Variants in RBMS3 observed in about 807,000 individuals in gnomAD.
RBMS3 encodes the protein RNA-binding motif, single-stranded-interacting protein 3.
Under a neutral mutation model 66.8 loss-of-function variants are expected in RBMS3, and 27 were observed. The observed-to-expected ratio is 0.40, with a 90% CI of 0.30 to 0.56. The LOEUF (loss-of-function observed/expected upper bound fraction) is 0.56. Ranked by LOEUF, RBMS3 falls within the 20% of genes least tolerant of loss-of-function variation. The probability of loss-of-function intolerance (pLI) is 0.40; values close to 1 mark genes in which losing one functional copy is unlikely to be tolerated. For synonymous variants in RBMS3, 188 were observed against 183.0 expected (o/e 1.03, Z -0.22); for missense variants, 513 against 549.5 (o/e 0.93, Z 0.66).
intron 1 of RBMS3, among the ~76,000 whole-genome samples, chr3:29,419,763 T>C (rs2040626003): frequency 1.3e-5 from 2 of 152,214 alleles, no homozygotes; most frequent in South Asian, 4.1e-4. Flanking sequence ...GGGAGAGCGA[T>C]GCATATGTAA....
At chr3:29,287,693 T>A (rs895071286) in intron 1 of RBMS3, among the ~76,000 whole-genome samples, 6 of 152,158 alleles carry the variant, frequency 3.9e-5, no homozygotes, top group Middle Eastern at 3.4e-3. Context: ...AAATAATATT[T>A]GTTAATAAAA....
chr3:29,927,094 TG>T (rs1250607556), intron 10 of RBMS3: 1 of 152,008 alleles, frequency 6.6e-6, no homozygotes, highest in Non-Finnish European at 1.5e-5. Flanking sequence ...CTTCCTTGGG[TG>T]GGGTGTGGCT....
At chr3:29,437,931 C>A (rs2041461166) in intron 2 of RBMS3, among the ~76,000 whole-genome samples, 1 of 152,088 alleles carries the variant, frequency 6.6e-6, no homozygotes, top group African/African-American at 2.4e-5. Flanking sequence ...TTGGCAGGGG[C>A]ACAGTCAGAA....
intron 3 of RBMS3, among the ~76,000 whole-genome samples, chr3:29,510,324 T>C (rs781309680): frequency 2.0e-5 from 3 of 152,206 alleles, no homozygotes; most frequent in Non-Finnish European, 4.4e-5. Context: ...CAACGCGCTA[T>C]ACTTATACCA....
chr3:29,532,922 A>C (rs1432114688), intron 3 of RBMS3, among the ~76,000 whole-genome samples: 1 of 152,142 alleles, frequency 6.6e-6, no homozygotes, highest in African/African-American at 2.4e-5. Flanking sequence ...GAATTAAGCC[A>C]CTGGATACCT....
At chr3:29,724,964 A>C (rs2053795272) in intron 4 of RBMS3, among the ~76,000 whole-genome samples, 1 of 152,180 alleles carries the variant, frequency 6.6e-6, no homozygotes, top group African/African-American at 2.4e-5. Context: ...AAGGGGTGAC[A>C]TACACTAGAA....
intron 1 of RBMS3, among the ~76,000 whole-genome samples, chr3:29,400,532 A>G (rs1401890650): frequency 6.6e-6 from 1 of 151,966 alleles, no homozygotes; most frequent in Non-Finnish European, 1.5e-5. Flanking sequence ...GATGTACTTA[A>G]TGCCACTGAA....
At chr3:29,525,977 T>A (rs1251135691) in intron 3 of RBMS3, among the ~76,000 whole-genome samples, 1 of 152,208 alleles carries the variant, frequency 6.6e-6, no homozygotes, top group Non-Finnish European at 1.5e-5. Context: ...AAGCATGTAG[T>A]GTCGCTGACT....
chr3:29,544,679 A>C (rs954203498), intron 3 of RBMS3, among the ~76,000 whole-genome samples: 6 of 144,224 alleles, frequency 4.2e-5, no homozygotes, highest in African/African-American at 1.6e-4. Context: ...GATAAGAAAA[A>C]AGAAGGGAGT....
chr3:29,596,959 A>G (rs1321759714), intron 4 of RBMS3, among the ~76,000 whole-genome samples: 1 of 152,188 alleles, frequency 6.6e-6, no homozygotes, highest in African/African-American at 2.4e-5. Context: ...ATCCTAATGA[A>G]TTATTCAGAA....
chr3:29,869,306 A>C (rs2059434047), intron 7 of RBMS3, among the ~76,000 whole-genome samples: 1 of 152,180 alleles, frequency 6.6e-6, no homozygotes, highest in South Asian at 2.1e-4. Flanking sequence ...AAATATTTTC[A>C]GTGAAATCAA....
chr3:29,779,912 T>C (rs2149407870), intron 6 of RBMS3, among the ~76,000 whole-genome samples: 1 of 151,030 alleles, frequency 6.6e-6, no homozygotes, highest in African/African-American at 2.4e-5. Flanking sequence ...CTGGTAGACA[T>C]AGAAATACAT....
At chr3:29,348,757 G>A (rs929530125) in intron 1 of RBMS3, among the ~76,000 whole-genome samples, 1 of 152,096 alleles carries the variant, frequency 6.6e-6, no homozygotes, top group African/African-American at 2.4e-5. Flanking sequence ...CAGAGACCAG[G>A]ATCCACTTTA....
chr3:29,809,352 G>A (rs1181806429), intron 6 of RBMS3, among the ~76,000 whole-genome samples: 3 of 141,222 alleles, frequency 2.1e-5, no homozygotes, highest in Non-Finnish European at 1.6e-5. Context: ...AAAAAAAAAA[G>A]ATCCTGTTAA....
At chr3:29,551,041 G>A (rs1281201342) in intron 3 of RBMS3, among the ~76,000 whole-genome samples, 2 of 152,192 alleles carry the variant, frequency 1.3e-5, no homozygotes, top group Non-Finnish European at 2.9e-5. Context: ...AGAGAGGTCT[G>A]GGAGTTCTAT....
At chr3:29,545,312 T>A (rs1342058891) in intron 3 of RBMS3, among the ~76,000 whole-genome samples, 1 of 152,118 alleles carries the variant, frequency 6.6e-6, no homozygotes, top group East Asian at 1.9e-4. Flanking sequence ...TAGAAATAAT[T>A]TCATTTTCTT....
chr3:29,869,029 G>A, intron 7 of RBMS3, 65 bp downstream of exon 7: 1 of 1,339,102 alleles, frequency 7.5e-7, no homozygotes, highest in South Asian at 1.4e-5. Flanking sequence ...AAGGTGGCAA[G>A]GCAGACGTAT....
intron 3 of RBMS3, among the ~76,000 whole-genome samples, chr3:29,581,110 A>AT (rs2149083903): frequency 6.6e-6 from 1 of 152,066 alleles, no homozygotes; most frequent in South Asian, 2.1e-4. Flanking sequence ...TTTTGCCTTT[A>AT]TTTTTTCACA....
Position 29,391,494 on chromosome 3 carries a change from C to T in RBMS3, c.76-43249C>T, listed in dbSNP as rs79080200. On this transcript the variant is annotated intron_variant, in intron 1 of 14. Transcript: ENST00000383767. ...ATGGAGAAGAGTTCAATTAGAAAAA[C>T]GGTGGAAAGGAGATTAAGACTTTGA... Among the ~76,000 whole-genome samples the T allele has an allele frequency of 5.7e-3, 872 of 152,136 alleles. 15 individuals are homozygous for T. The highest frequency in any genetic ancestry group is 0.052 in the East Asian group (267 of 5,166).
Sources: gnomAD v4.1 joint callset for allele counts (sites outside exome capture counted in the v4.1 genomes callset) on GRCh38, gnomAD v4.1.1 for gene constraint, MANE v1.5 for transcripts, NCBI Gene and HGNC (gene_info 2026-07-23, HGNC 2026-07-21) for gene names.